Variants in SLC22A24 observed in about 807,000 individuals in gnomAD.
The protein encoded by SLC22A24 is solute carrier family 22 member 24.
A neutral mutation model predicts 49.8 loss-of-function variants in SLC22A24; 53 were observed. That is an observed-to-expected ratio of 1.06 (90% CI 0.85 to 1.34). SLC22A24 has a LOEUF of 1.34. Ranked by LOEUF, SLC22A24 falls within the 40% of genes most tolerant of loss-of-function variation. SLC22A24 has a pLI of 0.00. For synonymous variants in SLC22A24, 302 were observed against 256.4 expected, an observed-to-expected ratio of 1.18 and a Z score of -1.70; for missense variants, 786 against 675.9, an observed-to-expected ratio of 1.16 and a Z score of -1.81.
At chr11:63,136,370 A>G (rs1366464225) in intron 1 of SLC22A24, among the ~76,000 whole-genome samples, 1 of 152,158 alleles carries the variant, frequency 6.6e-6, no homozygotes, top group Non-Finnish European at 1.5e-5. Context: ...ATGCACTGAA[A>G]ACTGCAACAC....
chr11:63,103,351 T>C (rs2087102450), intron 5 of SLC22A24, among the ~76,000 whole-genome samples: 1 of 152,194 alleles, frequency 6.6e-6, no homozygotes, highest in Admixed American at 6.5e-5. Flanking sequence ...TTCCTCTGTG[T>C]TTTCTCAAAA....
intron 6 of SLC22A24, among the ~76,000 whole-genome samples, chr11:63,094,551 G>A (rs183264725): frequency 3.4e-4 from 51 of 152,040 alleles, no homozygotes; most frequent in Admixed American, 1.2e-3. Context: ...CTGAGGAATC[G>A]CCACACTGAC....
intron 6 of SLC22A24, among the ~76,000 whole-genome samples, chr11:63,087,350 C>T (rs2086993714): frequency 6.6e-6 from 1 of 152,162 alleles, no homozygotes; most frequent in Admixed American, 6.5e-5. Context: ...ACTTCCCTCC[C>T]TGAACCAAGG....
In SLC22A24 at chr11:63,119,194, G is replaced by T. The variant is rs1565334632; in HGVS notation, c.648C>A (p.Asn216Lys). ...TTATTGACTTACTGAGAATAAAAGT[G>T]TTTCCCAAAATAGTCATGGTGGAGA... is the stretch of plus-strand genomic sequence containing the variant. ...AGFSTMTILG[N>K]TFILSLEWTL... is the part of the protein sequence containing the mutation. Residue 216 changes from asparagine to lysine, a missense_variant, in exon 3 of 10, where the codon AAC becomes AAA. By Grantham distance (94) the Asn-to-Lys change is moderately conservative. Transcript: ENST00000612278. 6.5e-7 allele frequency: 1 copy of T among 1,542,038 alleles called. No homozygotes were observed. Among genetic ancestry groups the T allele is most frequent in the Admixed American group, 2.1e-5 (1 of 48,512 alleles).
At chr11:63,104,882 G>C (rs748862826) in intron 4 of SLC22A24, among the ~76,000 whole-genome samples, 1 of 151,922 alleles carries the variant, frequency 6.6e-6, no homozygotes, top group Non-Finnish European at 1.5e-5. Context: ...TAATTTTTTC[G>C]GCATTAGCTC....
intron 5 of SLC22A24, among the ~76,000 whole-genome samples, chr11:63,097,950 A>G (rs765653201): frequency 2.0e-5 from 3 of 152,138 alleles, no homozygotes; most frequent in Non-Finnish European, 4.4e-5. Flanking sequence ...GGAAAGCATT[A>G]GGACAAATAC....
At chr11:63,108,813 T>C (rs1303840310) in intron 4 of SLC22A24, among the ~76,000 whole-genome samples, 1 of 151,944 alleles carries the variant, frequency 6.6e-6, no homozygotes, top group African/African-American at 2.4e-5. Context: ...TCTATTTGAT[T>C]CTTTTTTTTT....
chr11:63,102,743 T>C lies in SLC22A24; in HGVS notation c.954+1432A>G, dbSNP rs149381006. Among the ~76,000 whole-genome samples, 5 of 152,218 alleles carry C rather than the reference T, an allele frequency of 3.3e-5. No homozygotes were observed. In the East Asian group the frequency reaches 5.8e-4, roughly 18 times the overall value. ...TAAATTGTATCCAAAAGGGAAGAGA[T>C]TGTAGCAGAGAGCCAAATTGCTTTC... On this transcript the variant is annotated intron_variant, in intron 5 of 9. Transcript: ENST00000612278.
intron 4 of SLC22A24, among the ~76,000 whole-genome samples, chr11:63,105,130 C>T (rs2087112527): frequency 6.6e-6 from 1 of 152,350 alleles, no homozygotes; most frequent in Non-Finnish European, 1.5e-5. Flanking sequence ...CATGCCGATG[C>T]AAGGGGTGGG....
At chr11:63,104,571 T>C (rs868252572) in intron 4 of SLC22A24, among the ~76,000 whole-genome samples, 1 of 152,044 alleles carries the variant, frequency 6.6e-6, no homozygotes, top group African/African-American at 2.4e-5. Flanking sequence ...GGGTAACTTA[T>C]AAAGAAAGAA....
intron 2 of SLC22A24, among the ~76,000 whole-genome samples, chr11:63,129,238 T>C (rs2087316100): frequency 6.6e-6 from 1 of 152,232 alleles, no homozygotes; most frequent in South Asian, 2.1e-4. Context: ...AGGAAATCCT[T>C]TCCCCATTGC....
At chr11:63,113,698 A>T (rs2087192082) in intron 4 of SLC22A24, among the ~76,000 whole-genome samples, 1 of 152,004 alleles carries the variant, frequency 6.6e-6, no homozygotes, top group Non-Finnish European at 1.5e-5. Context: ...TACTAAAAAT[A>T]CAAAAATTAG....
At position 63,113,023 on chromosome 11, in the gene SLC22A24, A is replaced by AT. The variant is rs1241042637; in HGVS notation, c.830+5888_830+5889insA. On this transcript the variant is annotated intron_variant, in intron 4 of 9. Coordinates refer to ENST00000612278, the MANE Select transcript of SLC22A24 (RefSeq NM_001136506.2). ...GCAGACTCTGTCTCAAAAAAAAAAAAAAAAAAAAAAAAATATATATATATA... is the reference window on the plus strand; with the variant it reads ...GCAGACTCTGTCTCAAAAAAAAAAAATAAAAAAAAAAAAATATATATATATA... Among the ~76,000 whole-genome samples the AT allele has an allele frequency of 3.4e-5, 2 of 59,692 alleles. 1 individual carries two copies. The highest frequency in any genetic ancestry group is 1.4e-4 in the African/African-American group (2 of 14,070). The allele number at this position is 59,692 out of a possible 152,430, so 39.2% of individuals were successfully genotyped here.
chr11:63,098,262 A>G (rs1427377253), intron 5 of SLC22A24, among the ~76,000 whole-genome samples: 1 of 152,166 alleles, frequency 6.6e-6, no homozygotes, highest in Non-Finnish European at 1.5e-5. Context: ...AATTAAAACT[A>G]TCTTGAACCA....
At chr11:63,103,295 G>T (rs924012837) in intron 5 of SLC22A24, among the ~76,000 whole-genome samples, 1 of 152,054 alleles carries the variant, frequency 6.6e-6, no homozygotes, top group Non-Finnish European at 1.5e-5. Context: ...CTTTTTACCA[G>T]CTAACTCCTA....
At chr11:63,107,418 CT>C (rs1565329422) in intron 4 of SLC22A24, among the ~76,000 whole-genome samples, 1 of 152,074 alleles carries the variant, frequency 6.6e-6, no homozygotes, top group South Asian at 2.1e-4. Flanking sequence ...AATGTGGGCT[CT>C]TTTTTGGTTC....
chr11:63,124,608 G>A (rs1403048576), intron 2 of SLC22A24, among the ~76,000 whole-genome samples: 7 of 152,096 alleles, frequency 4.6e-5, no homozygotes, highest in African/African-American at 1.4e-4. Flanking sequence ...CTGAGCCATG[G>A]TTATTGAAAT....
chr11:63,107,867 T>A (rs1002356913), intron 4 of SLC22A24, among the ~76,000 whole-genome samples: 3 of 152,160 alleles, frequency 2.0e-5, no homozygotes, highest in Non-Finnish European at 2.9e-5. Context: ...TATACAATCA[T>A]GTCATCTGCA....
intron 2 of SLC22A24, among the ~76,000 whole-genome samples, chr11:63,120,772 G>T (rs990281484): frequency 1.3e-5 from 2 of 152,000 alleles, no homozygotes; most frequent in African/African-American, 4.8e-5. Flanking sequence ...TTTATGTCAT[G>T]ATTACTCTTA....
Sources: allele counts gnomAD v4.1 joint callset (sites outside exome capture counted in the v4.1 genomes callset), GRCh38; gene constraint gnomAD v4.1.1; transcripts MANE v1.5; gene names NCBI Gene and HGNC (gene_info 2026-07-23, HGNC 2026-07-21).